EXD3: variants seen among roughly 807,000 people sequenced by gnomAD.
The protein encoded by EXD3 is exonuclease 3'-5' domain containing 3.
Under a neutral mutation model 98.0 loss-of-function variants are expected in EXD3, and 92 were observed. That is an observed-to-expected ratio of 0.94 (90% CI 0.79 to 1.12). The LOEUF is 1.12. Ranked by LOEUF, EXD3 falls within the 50% of genes most tolerant of loss-of-function variation. The pLI is 0.00. For synonymous variants in EXD3, 569 were observed against 526.0 expected (o/e 1.08, Z -1.12); for missense variants, 1,222 against 1,191.6 (o/e 1.03, Z -0.38).
At chr9:137,411,789 C>A (rs544374706) in intron 1 of EXD3, among the ~76,000 whole-genome samples, 6 of 151,676 alleles carry the variant, frequency 4.0e-5, no homozygotes, top group African/African-American at 9.7e-5. Context: ...CCTGTGGCCG[C>A]GGTGCACAAT....
intron 7 of EXD3, among the ~76,000 whole-genome samples, chr9:137,364,608 G>T (rs544823232): frequency 6.7e-6 from 1 of 149,232 alleles, no homozygotes; most frequent in Non-Finnish European, 1.5e-5. Flanking sequence ...GGCGACAAAG[G>T]CTTCATCTAA....
At chr9:137,337,540 A>T (rs1432205782) in intron 17 of EXD3, among the ~76,000 whole-genome samples, 1 of 151,948 alleles carries the variant, frequency 6.6e-6, no homozygotes, top group Non-Finnish European at 1.5e-5. Flanking sequence ...AATCCCAGCT[A>T]CTTGGGAGGC....
chr9:137,381,098 T>TCTCACACACACATACACACA (rs769476087), intron 3 of EXD3: 22 of 134,740 alleles, frequency 1.6e-4, no homozygotes, highest in African/African-American at 5.7e-4. Flanking sequence ...AGACTCTGTC[T>TCTCACACACACATACACACA]CACACACACA....
chr9:137,376,630 T>G (rs1835918623), intron 3 of EXD3, among the ~76,000 whole-genome samples: 2 of 152,000 alleles, frequency 1.3e-5, no homozygotes, highest in South Asian at 2.1e-4. Flanking sequence ...CTCCCGACCT[T>G]TTAAAAATGC....
chr9:137,346,768 C>T (rs1833959153), intron 17 of EXD3, among the ~76,000 whole-genome samples: 1 of 152,074 alleles, frequency 6.6e-6, no homozygotes, highest in Admixed American at 6.6e-5. Flanking sequence ...GCATGTTTAG[C>T]TGTGTGTTAC....
intron 2 of EXD3, among the ~76,000 whole-genome samples, chr9:137,383,910 C>T (rs769665215): frequency 9.8e-5 from 15 of 152,338 alleles, no homozygotes; most frequent in Admixed American, 3.3e-4. Context: ...CTGCCCCACA[C>T]GGACAGGGCC....
intron 1 of EXD3, among the ~76,000 whole-genome samples, chr9:137,417,255 G>A (rs954494949): frequency 4.6e-5 from 7 of 152,202 alleles, no homozygotes; most frequent in African/African-American, 1.4e-4. Flanking sequence ...CCGCAGGGAC[G>A]GGGATGGCCA....
chr9:137,419,409 C>T (rs1838398197), intron 1 of EXD3, among the ~76,000 whole-genome samples: 1 of 152,170 alleles, frequency 6.6e-6, no homozygotes, highest in Admixed American at 6.5e-5. Flanking sequence ...GTGGCTCATG[C>T]CTGTAATCCC....
rs149630741 is a variant in EXD3, at chr9:137,402,256, C to T, written c.-47-6852G>A. On this transcript the variant is annotated intron_variant, in intron 1 of 21. Transcript: ENST00000340951. ...GTCTTGAACTCCTGACCTCGTGATCCGCCCGTCTCAGCCTCCCAAAGTGTG... is the reference window on the plus strand; with the variant it reads ...GTCTTGAACTCCTGACCTCGTGATCTGCCCGTCTCAGCCTCCCAAAGTGTG... Among the ~76,000 whole-genome samples, 327 of 152,198 alleles carry T rather than the reference C, an allele frequency of 2.1e-3. 6 individuals carry two copies. In the East Asian group the frequency reaches 0.05, roughly 23 times the overall value.
rs531128731 is a variant in EXD3 at position 137,411,786 on chromosome 9, C to T, written c.-48+11328G>A. On this transcript the variant is annotated intron_variant, in intron 1 of 21. Transcript: ENST00000340951. ...CGGGGAGGCGGAGGGCTTCCTGTGG[C>T]CGCGGTGCACAATGGTGTTTTCTGC... 4.6e-5 allele frequency among the ~76,000 whole-genome samples: 7 copies of T among 151,742 alleles called. No homozygotes were observed. In the South Asian group the frequency reaches 1.5e-3, roughly 32 times the overall value.
At chr9:137,366,414 G>GC in intron 7 of EXD3, 79 bp downstream of exon 7, 2 of 1,516,078 alleles carry the variant, frequency 1.3e-6, no homozygotes, top group South Asian at 1.2e-5. Context: ...CGCGCCTGCT[G>GC]CCCCCCTACA....
At chr9:137,318,309 C>T (rs1411173592) in intron 19 of EXD3, among the ~76,000 whole-genome samples, 1 of 152,132 alleles carries the variant, frequency 6.6e-6, no homozygotes, top group African/African-American at 2.4e-5. Flanking sequence ...ATGAGCTGGG[C>T]CCCGGCTGCC....
chr9:137,422,500 C>T (rs1336390192), intron 1 of EXD3, among the ~76,000 whole-genome samples: 2 of 152,146 alleles, frequency 1.3e-5, no homozygotes, highest in Non-Finnish European at 2.9e-5. Context: ...ACGTTCGAAA[C>T]CACCTGCTCT....
chr9:137,392,562 G>A, intron 2 of EXD3: 1 of 229,370 alleles, frequency 4.4e-6, no homozygotes, highest in Non-Finnish European at 8.8e-6. Context: ...CTGAGCTGGG[G>A]CCTCTTGTGG....
intron 17 of EXD3, among the ~76,000 whole-genome samples, chr9:137,327,333 C>T (rs1162032267): frequency 6.6e-6 from 1 of 152,058 alleles, no homozygotes; most frequent in Admixed American, 6.6e-5. Flanking sequence ...CAGGGTTTCA[C>T]TATGTTAGCC....
At chr9:137,363,281 C>T (rs537331604) in intron 7 of EXD3, among the ~76,000 whole-genome samples, 9 of 145,396 alleles carry the variant, frequency 6.2e-5, no homozygotes, top group East Asian at 2.0e-4. Flanking sequence ...AGTTGGGCTG[C>T]GCTTTTTTTT....
chr9:137,332,654 T>C (rs143039417), intron 17 of EXD3, among the ~76,000 whole-genome samples: 21,509 of 151,554 alleles, frequency 0.14, 1,948 homozygotes, highest in Admixed American at 0.28. Flanking sequence ...CCATCCTGGC[T>C]AAAACAGTGA....
chr9:137,401,047 C>T (rs951370685), intron 1 of EXD3, among the ~76,000 whole-genome samples: 11 of 151,920 alleles, frequency 7.2e-5, no homozygotes, highest in East Asian at 1.9e-4. Context: ...TGCAGGCTGT[C>T]GGTGGATCTA....
intron 3 of EXD3, among the ~76,000 whole-genome samples, chr9:137,380,012 G>C (rs1011052029): frequency 6.6e-6 from 1 of 151,856 alleles, no homozygotes; most frequent in East Asian, 1.9e-4. Context: ...TGTTCCGGGA[G>C]ACTTCAGTCC....
Sources: allele counts gnomAD v4.1 joint callset (sites outside exome capture counted in the v4.1 genomes callset), GRCh38; gene constraint gnomAD v4.1.1; transcripts MANE v1.5; gene names NCBI Gene and HGNC (gene_info 2026-07-23, HGNC 2026-07-21).